Variants in DNAAF11 observed in about 807,000 individuals in gnomAD.
DNAAF11 encodes the protein leucine rich repeat containing 6.
DNAAF11 carries 45 observed loss-of-function variants against 60.8 expected under a neutral mutation model. The observed-to-expected ratio is 0.74, with a 90% CI of 0.58 to 0.95. The LOEUF is 0.95. Ranked by LOEUF, DNAAF11 falls within the 40% of genes least tolerant of loss-of-function variation. The pLI, the probability that DNAAF11 is intolerant of heterozygous loss-of-function variation, is 0.00. For missense variants in DNAAF11, 546 were observed against 546.2 expected, an observed-to-expected ratio of 1.00 and a Z score of 0.00; for synonymous variants, 191 against 183.5, an observed-to-expected ratio of 1.04 and a Z score of -0.33.
chr8:132,579,729 T>C (rs1472069370), intron 11 of DNAAF11, among the ~76,000 whole-genome samples: 2 of 152,190 alleles, frequency 1.3e-5, no homozygotes, highest in African/African-American at 4.8e-5. Context: ...GCGTAGTGTC[T>C]CGTGCCTGTA....
chr8:132,599,809 G>A (rs1243349359), intron 10 of DNAAF11, among the ~76,000 whole-genome samples: 1 of 152,128 alleles, frequency 6.6e-6, no homozygotes, highest in Non-Finnish European at 1.5e-5. Context: ...CAAACCCACA[G>A]CCAATATCAT....
chr8:132,596,781 G>A lies in DNAAF11; in HGVS notation c.1141-13002C>T, dbSNP rs1817055692. Among the ~76,000 whole-genome samples the A allele has an allele frequency of 3.9e-5, 6 of 152,168 alleles. No homozygotes were observed. The South Asian group carries it at 1.0e-3, about 26-fold the overall frequency. On this transcript the variant is annotated intron_variant, in intron 10 of 11. Transcript: ENST00000620350. ...GGAACACTGGAATAAAACAAAGAGC[G>A]ACACTCCCTCTCCTGTTGCCCCCTG... is the stretch of plus-strand genomic sequence containing the variant.
chr8:132,672,770 T>C (rs1349855498), intron 1 of DNAAF11, among the ~76,000 whole-genome samples: 1 of 152,116 alleles, frequency 6.6e-6, no homozygotes, highest in East Asian at 1.9e-4. Context: ...TCTCCTTTAG[T>C]TGAAGGAGGT....
chr8:132,580,409 T>C (rs1205905869), intron 11 of DNAAF11, among the ~76,000 whole-genome samples: 2 of 152,078 alleles, frequency 1.3e-5, no homozygotes, highest in African/African-American at 2.4e-5. Context: ...ATAAGAGAGA[T>C]TAGTAAAGTT....
the DNAAF11 span, among the ~76,000 whole-genome samples, chr8:132,700,476 A>T: frequency 6.6e-5 from 10 of 151,588 alleles, no homozygotes; most frequent in Non-Finnish European, 1.2e-4. Context: ...ACTTGTGGCC[A>T]GGAGTTGAAG....
chr8:132,640,115 A>T (rs761031794), intron 3 of DNAAF11, among the ~76,000 whole-genome samples: 1 of 152,246 alleles, frequency 6.6e-6, no homozygotes, highest in South Asian at 2.1e-4. Context: ...TCTTCAACCC[A>T]CTTTTCACTA....
intron 1 of DNAAF11, among the ~76,000 whole-genome samples, chr8:132,670,215 G>T (rs1288817092): frequency 6.6e-6 from 1 of 151,972 alleles, no homozygotes; most frequent in East Asian, 1.9e-4. Context: ...AAAAATTAAA[G>T]CTGGCTCTTT....
At chr8:132,678,711 A>G (rs7817867), upstream of DNAAF11, among the ~76,000 whole-genome samples, 24,730 of 150,620 alleles carry the variant, frequency 0.16, 5,659 homozygotes, top group African/African-American at 0.52. Flanking sequence ...TGAACTTCCA[A>G]TATTGGACTT....
chr8:132,664,847 T>C (rs987992285), intron 1 of DNAAF11, among the ~76,000 whole-genome samples: 1 of 152,064 alleles, frequency 6.6e-6, no homozygotes, highest in African/African-American at 2.4e-5. Context: ...CGAAGGCATG[T>C]AAGTATTAGG....
At chr8:132,648,261 C>A (rs921773487) in intron 3 of DNAAF11, among the ~76,000 whole-genome samples, 2 of 152,168 alleles carry the variant, frequency 1.3e-5, no homozygotes, top group African/African-American at 2.4e-5. Context: ...ACAAAAACCA[C>A]ATGATTATCT....
intron 4 of DNAAF11, among the ~76,000 whole-genome samples, chr8:132,636,410 T>C (rs537818086): frequency 5.3e-5 from 8 of 152,296 alleles, no homozygotes; most frequent in South Asian, 4.1e-4. Flanking sequence ...TTGCCAGATA[T>C]GTCAGCCTAA....
Position 132,572,345 on chromosome 8 carries a change from T to G in DNAAF11, c.1362A>C (p.Pro454=), listed in dbSNP as rs1357805606. 1 of 1,613,948 alleles carries G rather than the reference T, an allele frequency of 6.2e-7. No homozygotes were observed. Among genetic ancestry groups the G allele is most frequent in the Admixed American group, 1.7e-5 (1 of 59,988 alleles). Residue 454 remains proline (P), a synonymous_variant, in exon 12 of 12, where the codon CCA becomes CCC. Coordinates refer to ENST00000620350, the MANE Select transcript of DNAAF11 (RefSeq NM_012472.6). ...EPKIIPSEED[P]TFEDNPEVPP... Reference sequence around the variant, plus strand: ...GCACTTCAGGGTTGTCTTCAAAGGTTGGGTCTTCCTCACTTGGTATAATTT... The same window carrying G: ...GCACTTCAGGGTTGTCTTCAAAGGTGGGGTCTTCCTCACTTGGTATAATTT...
At chr8:132,618,059 A>G (rs1414256498) in intron 7 of DNAAF11, among the ~76,000 whole-genome samples, 9 of 151,038 alleles carry the variant, frequency 6.0e-5, no homozygotes, top group Non-Finnish European at 1.0e-4. Flanking sequence ...CTACAAGGCT[A>G]CAGTAACCAA....
At chr8:132,698,407 C>T in the DNAAF11 span, among the ~76,000 whole-genome samples, 52 of 152,248 alleles carry the variant, frequency 3.4e-4, 1 homozygote, top group South Asian at 9.3e-3. Flanking sequence ...TTCTCAGGGG[C>T]AACTCTCTTC....
intron 8 of DNAAF11, among the ~76,000 whole-genome samples, chr8:132,612,124 A>G (rs1231650009): frequency 6.6e-6 from 1 of 152,128 alleles, no homozygotes; most frequent in Admixed American, 6.5e-5. Context: ...AACTGGCTCC[A>G]TGCCTTCCTG....
chr8:132,625,472 AG>A lies in DNAAF11; in HGVS notation c.654-19del, dbSNP rs1311448679. On this transcript the variant is annotated intron_variant, in intron 5 of 11. Transcript: ENST00000620350. ...AAGAGGAACTAGGAAAAACAAATAG[AG>A]CACTTAAAAACAATAATGGATTCAT... 6.3e-7 allele frequency: 1 copy of A among 1,577,896 alleles called. No homozygotes were observed. Among genetic ancestry groups the A allele is most frequent in the Admixed American group, 1.9e-5 (1 of 53,882 alleles).
chr8:132,584,132 G>C (rs531453491), intron 10 of DNAAF11, among the ~76,000 whole-genome samples: 1 of 152,142 alleles, frequency 6.6e-6, no homozygotes, highest in Non-Finnish European at 1.5e-5. Flanking sequence ...CCTTTGGGGT[G>C]CTCCTAGTGG....
At chr8:132,619,337 T>C (rs1484764079) in intron 7 of DNAAF11, among the ~76,000 whole-genome samples, 3 of 152,052 alleles carry the variant, frequency 2.0e-5, no homozygotes, top group Admixed American at 2.0e-4. Context: ...CTGGGAGATA[T>C]ACCTAATGTT....
At chr8:132,685,147 C>T in the DNAAF11 span, 1 of 152,222 alleles carries the variant, frequency 6.6e-6, no homozygotes, top group East Asian at 1.9e-4. Flanking sequence ...AACATATCCA[C>T]TAATTTAATT....
Sources: gnomAD v4.1 joint callset for allele counts (sites outside exome capture counted in the v4.1 genomes callset) on GRCh38, gnomAD v4.1.1 for gene constraint, MANE v1.5 for transcripts, NCBI Gene and HGNC (gene_info 2026-07-23, HGNC 2026-07-21) for gene names.